ICOS: variants seen among roughly 807,000 people sequenced by gnomAD.
ICOS encodes inducible T cell costimulator.
Under a neutral mutation model 24.6 loss-of-function variants are expected in ICOS, and 15 were observed. The ratio of observed to expected loss-of-function variants is 0.61; its 90% CI spans 0.41 to 0.94. The LOEUF (loss-of-function observed/expected upper bound fraction) is 0.94. ICOS is among the 40% of genes least tolerant of loss of function. The probability of loss-of-function intolerance (pLI) is 0.00; values close to 1 mark genes in which losing one functional copy is unlikely to be tolerated. For synonymous variants in ICOS, 89 were observed against 77.5 expected (o/e 1.15, Z -0.78); for missense variants, 200 against 233.0 (o/e 0.86, Z 0.92).
chr2:203,950,975 G>T (rs946592860), intron 1 of ICOS, among the ~76,000 whole-genome samples: 1 of 151,880 alleles, frequency 6.6e-6, no homozygotes, highest in Non-Finnish European at 1.5e-5. Context: ...CAGCAGAATC[G>T]CTTGAACCTA....
At chr2:203,957,452 C>T (rs932816122) in intron 3 of ICOS, among the ~76,000 whole-genome samples, 1 of 152,128 alleles carries the variant, frequency 6.6e-6, no homozygotes, top group Non-Finnish European at 1.5e-5. Context: ...CGCGAGTATG[C>T]TAGTACTCAA....
At chr2:203,937,920 A>G (rs969692131) in intron 1 of ICOS, among the ~76,000 whole-genome samples, 1 of 152,198 alleles carries the variant, frequency 6.6e-6, no homozygotes, top group African/African-American at 2.4e-5. Context: ...CTTTTCTAGA[A>G]TCTCATGAAG....
intron 1 of ICOS, among the ~76,000 whole-genome samples, chr2:203,937,990 C>A (rs1196496077): frequency 6.6e-6 from 1 of 152,198 alleles, no homozygotes; most frequent in Non-Finnish European, 1.5e-5. Context: ...CTTCATTCAT[C>A]CATTTACTCA....
intron 1 of ICOS, among the ~76,000 whole-genome samples, chr2:203,954,726 T>G (rs1265630229): frequency 2.0e-5 from 3 of 152,058 alleles, no homozygotes; most frequent in African/African-American, 7.2e-5. Context: ...TGAAAATGAT[T>G]AGTCTGTTCT....
At chr2:203,957,656 T>A in intron 3 of ICOS, 143 bp from the exon 4 acceptor site, 3 of 691,726 alleles carry the variant, frequency 4.3e-6, no homozygotes, top group South Asian at 3.1e-5. Flanking sequence ...ATATTGTTTT[T>A]CTACTTAGCC....
At chr2:203,947,231 G>A (rs1237124495) in intron 1 of ICOS, among the ~76,000 whole-genome samples, 1 of 152,116 alleles carries the variant, frequency 6.6e-6, no homozygotes, top group Admixed American at 6.5e-5. Flanking sequence ...AACCTAAAGA[G>A]ATCACTTAAT....
At chr2:203,946,915 G>GA (rs1007856881) in intron 1 of ICOS, among the ~76,000 whole-genome samples, 1 of 152,166 alleles carries the variant, frequency 6.6e-6, no homozygotes, top group Non-Finnish European at 1.5e-5. Context: ...CTGAGTTAAA[G>GA]AAAATAAAAT....
intron 1 of ICOS, among the ~76,000 whole-genome samples, chr2:203,952,693 T>C (rs1690006495): frequency 6.6e-6 from 1 of 152,182 alleles, no homozygotes; most frequent in Non-Finnish European, 1.5e-5. Context: ...TTTGGCCGAT[T>C]CTTGTAGGTT....
At chr2:203,951,360 A>T (rs1312241492) in intron 1 of ICOS, among the ~76,000 whole-genome samples, 1 of 152,224 alleles carries the variant, frequency 6.6e-6, no homozygotes, top group African/African-American at 2.4e-5. Flanking sequence ...TCTTATCTGG[A>T]TATATTCTGA....
At chr2:203,958,695 C>T (rs1280195994) in intron 4 of ICOS, among the ~76,000 whole-genome samples, 2 of 152,154 alleles carry the variant, frequency 1.3e-5, no homozygotes, top group African/African-American at 4.8e-5. Context: ...AAAAAGGATC[C>T]TTGAGTTCAC....
chr2:203,942,936 A>G (rs939739276), intron 1 of ICOS, among the ~76,000 whole-genome samples: 1 of 152,160 alleles, frequency 6.6e-6, no homozygotes, highest in African/African-American at 2.4e-5. Context: ...TAGTTGTTCA[A>G]TTCTATTGCT....
intron 1 of ICOS, among the ~76,000 whole-genome samples, chr2:203,941,993 A>T (rs1019579289): frequency 1.3e-5 from 2 of 152,186 alleles, no homozygotes; most frequent in East Asian, 3.9e-4. Flanking sequence ...TTGCTTGAGG[A>T]AAAAAAAGAA....
chr2:203,944,955 A>G (rs868361817), intron 1 of ICOS, among the ~76,000 whole-genome samples: 22 of 152,232 alleles, frequency 1.4e-4, no homozygotes, highest in African/African-American at 5.3e-4. Context: ...TGAAATGTGA[A>G]GCATATTCTA....
intron 1 of ICOS, among the ~76,000 whole-genome samples, chr2:203,940,342 C>G (rs1397269136): frequency 1.3e-5 from 2 of 152,220 alleles, no homozygotes; most frequent in Non-Finnish European, 2.9e-5. Context: ...TCTTCTGTTT[C>G]AAGAATCCTT....
At chr2:203,955,347 G>A (rs1349249191) in intron 1 of ICOS, among the ~76,000 whole-genome samples, 1 of 151,956 alleles carries the variant, frequency 6.6e-6, no homozygotes, top group Non-Finnish European at 1.5e-5. Context: ...AAGGACAGAG[G>A]CCATACCAGT....
intron 1 of ICOS, among the ~76,000 whole-genome samples, chr2:203,941,331 A>G (rs2105745023): frequency 6.6e-6 from 1 of 152,292 alleles, no homozygotes; most frequent in African/African-American, 2.4e-5. Context: ...TTGCTTGTTA[A>G]CCACAACTCC....
chr2:203,938,005 G>A (rs1268686077), intron 1 of ICOS, among the ~76,000 whole-genome samples: 1 of 152,190 alleles, frequency 6.6e-6, no homozygotes, highest in Non-Finnish European at 1.5e-5. Flanking sequence ...TACTCATGTA[G>A]CATTGAGCAC....
chr2:203,938,398 A>G lies in ICOS; in HGVS notation c.58+1526A>G, dbSNP rs999135231. Among the ~76,000 whole-genome samples, 5 of 152,232 alleles carry G rather than the reference A, an allele frequency of 3.3e-5. No homozygotes were observed. The East Asian group carries it at 9.6e-4, about 29-fold the overall frequency. On this transcript the variant is annotated intron_variant, in intron 1 of 4. Transcript: ENST00000316386. ...TGGCAGGAAGGAATGAGGTAAGGTTAGGGAACTAGAAGAAAGCAGACAGAT... is the reference window on the plus strand; with the variant it reads ...TGGCAGGAAGGAATGAGGTAAGGTTGGGGAACTAGAAGAAAGCAGACAGAT...
intron 1 of ICOS, among the ~76,000 whole-genome samples, chr2:203,940,684 G>C (rs1288543648): frequency 6.6e-6 from 1 of 150,626 alleles, no homozygotes; most frequent in African/African-American, 2.4e-5. Flanking sequence ...AAAAACTCTA[G>C]AATTTCATAA....
Sources: gnomAD v4.1 joint callset for allele counts (sites outside exome capture counted in the v4.1 genomes callset) on GRCh38, gnomAD v4.1.1 for gene constraint, MANE v1.5 for transcripts, NCBI Gene and HGNC (gene_info 2026-07-23, HGNC 2026-07-21) for gene names.